KCND2: variants seen among roughly 807,000 people sequenced by gnomAD.
KCND2 encodes potassium voltage-gated channel subfamily D member 2, also known as A-type voltage-gated potassium channel KCND2.
In KCND2, 16 loss-of-function variants were observed where a neutral mutation model predicts 54.4. The observed-to-expected ratio is 0.29, with a 90% confidence interval of 0.20 to 0.45. The LOEUF is 0.45. Ranked by LOEUF, KCND2 falls within the 20% of genes least tolerant of loss-of-function variation. KCND2 has a pLI of 1.00. For synonymous variants in KCND2, 317 were observed against 310.7 expected, an observed-to-expected ratio of 1.02 and a Z score of -0.21; for missense variants, 486 against 824.2, an observed-to-expected ratio of 0.59 and a Z score of 5.02.
At chr7:120,518,979 G>A (rs1319985249) in intron 1 of KCND2, among the ~76,000 whole-genome samples, 3 of 152,072 alleles carry the variant, frequency 2.0e-5, no homozygotes, top group African/African-American at 4.8e-5. Context: ...TGAAGCATAC[G>A]GAGGCCTAGA....
intron 1 of KCND2, among the ~76,000 whole-genome samples, chr7:120,335,549 C>G (rs564174089): frequency 0.028 from 4,252 of 151,014 alleles, 97 homozygotes; most frequent in Non-Finnish European, 0.048. Flanking sequence ...TGCAGTGGTG[C>G]GATCTTGGCT....
intron 1 of KCND2, among the ~76,000 whole-genome samples, chr7:120,578,295 A>AAAT (rs565992117): frequency 6.6e-6 from 1 of 152,016 alleles, no homozygotes; most frequent in Non-Finnish European, 1.5e-5. Context: ...TTCAAGAAAA[A>AAAT]AATAATAATA....
At chr7:120,604,936 A>G (rs1792862600) in intron 1 of KCND2, among the ~76,000 whole-genome samples, 2 of 152,194 alleles carry the variant, frequency 1.3e-5, no homozygotes, top group South Asian at 4.1e-4. Flanking sequence ...ACTCTATCCA[A>G]TTGTAATTTT....
chr7:120,473,603 C>T (rs921773747), intron 1 of KCND2, among the ~76,000 whole-genome samples: 2 of 152,136 alleles, frequency 1.3e-5, no homozygotes, highest in African/African-American at 2.4e-5. Flanking sequence ...TGCTTAGCAG[C>T]GATGTAATTT....
intron 1 of KCND2, among the ~76,000 whole-genome samples, chr7:120,578,941 C>T (rs548444947): frequency 4.6e-5 from 7 of 151,606 alleles, no homozygotes; most frequent in Non-Finnish European, 8.8e-5. Flanking sequence ...CACACACACA[C>T]GCACACAAAG....
chr7:120,342,979 C>A (rs1039979842), intron 1 of KCND2, among the ~76,000 whole-genome samples: 2 of 152,140 alleles, frequency 1.3e-5, no homozygotes, highest in Non-Finnish European at 2.9e-5. Context: ...GAAAGTAGCT[C>A]TGTTCCATAT....
In KCND2 at chr7:120,371,826, T is replaced by C. The variant is rs906673298; in HGVS notation, c.1115+96079T>C. On this transcript the variant is annotated intron_variant, in intron 1 of 5. Transcript: ENST00000331113. ...TAGGCTATACCATACAGCCTAGGTG[T>C]CTAGTAGGCTACAAACTCTATGTTT... is the stretch of plus-strand genomic sequence containing the variant. Among the ~76,000 whole-genome samples the C allele has an allele frequency of 9.2e-5, 14 of 152,086 alleles. No homozygotes were observed. The East Asian group carries it at 2.7e-3, about 30-fold the overall frequency.
At chr7:120,597,162 G>A (rs1404087168) in intron 1 of KCND2, among the ~76,000 whole-genome samples, 5 of 152,150 alleles carry the variant, frequency 3.3e-5, no homozygotes, top group African/African-American at 7.2e-5. Flanking sequence ...AGCTAGGAAC[G>A]GCAGCCCTGG....
chr7:120,315,287 C>T (rs1245817140), intron 1 of KCND2, among the ~76,000 whole-genome samples: 1 of 152,116 alleles, frequency 6.6e-6, no homozygotes, highest in African/African-American at 2.4e-5. Flanking sequence ...CAAGAGTTTT[C>T]TGTGGGAATT....
chr7:120,422,322 A>C (rs1801637521), intron 1 of KCND2, among the ~76,000 whole-genome samples: 1 of 152,182 alleles, frequency 6.6e-6, no homozygotes, highest in African/African-American at 2.4e-5. Flanking sequence ...GCAATGAATT[A>C]AAATTCCAAA....
At chr7:120,746,168 G>A (rs1454585850) in intron 5 of KCND2, 141 bp downstream of exon 5, 2 of 921,258 alleles carry the variant, frequency 2.2e-6, no homozygotes, top group African/African-American at 1.6e-5. Flanking sequence ...AGCGTAACAA[G>A]TAGGAAAATG....
At chr7:120,451,132 C>G (rs1383868785) in intron 1 of KCND2, among the ~76,000 whole-genome samples, 2 of 152,132 alleles carry the variant, frequency 1.3e-5, no homozygotes, top group East Asian at 3.9e-4. Context: ...ATCCCTGGAT[C>G]CCTGAGTTTT....
chr7:120,512,373 G>A (rs550561113), intron 1 of KCND2, among the ~76,000 whole-genome samples: 4 of 151,382 alleles, frequency 2.6e-5, no homozygotes, highest in Non-Finnish European at 5.9e-5. Context: ...AACATTTTTA[G>A]TAGCTATTAT....
intron 1 of KCND2, among the ~76,000 whole-genome samples, chr7:120,460,178 T>C (rs1401886362): frequency 1.3e-5 from 2 of 152,190 alleles, no homozygotes; most frequent in African/African-American, 4.8e-5. Flanking sequence ...GTAGACTTGG[T>C]TGAGCTCCCC....
chr7:120,703,808 G>T (rs1159785530), intron 1 of KCND2, among the ~76,000 whole-genome samples: 1 of 152,128 alleles, frequency 6.6e-6, no homozygotes. Context: ...ACCAACAAGG[G>T]CTGTGACATG....
chr7:120,743,822 T>A (rs1334259366), intron 4 of KCND2, among the ~76,000 whole-genome samples: 1 of 152,234 alleles, frequency 6.6e-6, no homozygotes, highest in East Asian at 1.9e-4. Context: ...TGCAGCCATG[T>A]GGACAATTTT....
rs142822593 is a variant in KCND2, at chr7:120,652,222, C to T, written c.1116-80681C>T. Among the ~76,000 whole-genome samples the T allele has an allele frequency of 2.0e-4, 31 of 152,154 alleles. 1 individual carries two copies. The South Asian group carries it at 3.1e-3, about 15-fold the overall frequency. On this transcript the variant is annotated intron_variant, in intron 1 of 5. Transcript: ENST00000331113. ...TCCTGAGTAGCTGGGACTACAGGTG[C>T]GCACCACCACACCCAGCTAATTTTT... is the stretch of plus-strand genomic sequence containing the variant.
rs1792940972 is a variant in KCND2 at position 120,741,545 on chromosome 7, G to A, written c.1290G>A (p.Leu430=). 6.2e-6 allele frequency: 10 copies of A among 1,611,994 alleles called. No homozygotes were observed. The highest frequency in any genetic ancestry group is 8.5e-6 in the Non-Finnish European group (10 of 1,178,314). ...TTTTTCTCCTATAGAAAGCTAGACT[G>A]GCCAGGATCCGGGCAGCCAAAAGCG... is the stretch of plus-strand genomic sequence containing the variant. ...DKRRAQKKAR[L]ARIRAAKSGS... Residue 430 remains leucine (L), a synonymous_variant, in exon 3 of 6, where the codon CTG becomes CTA. Transcript: ENST00000331113.
intron 1 of KCND2, among the ~76,000 whole-genome samples, chr7:120,293,339 T>G (rs1433291853): frequency 5.9e-5 from 9 of 151,958 alleles, no homozygotes; most frequent in African/African-American, 2.2e-4. Context: ...TGAAAGCATT[T>G]GCCCAGTGCA....
Sources: gnomAD v4.1 joint callset for allele counts (sites outside exome capture counted in the v4.1 genomes callset) on GRCh38, gnomAD v4.1.1 for gene constraint, MANE v1.5 for transcripts, NCBI Gene and HGNC (gene_info 2026-07-23, HGNC 2026-07-21) for gene names.